The following KIAA1217 variants were observed in gnomAD, a reference collection of about 807,000 sequenced individuals.
The protein encoded by KIAA1217 is sickle tail protein homolog.
A neutral mutation model predicts 163.9 loss-of-function variants in KIAA1217; 88 were observed. The ratio of observed to expected loss-of-function variants is 0.54; its 90% confidence interval spans 0.45 to 0.64. KIAA1217 has a LOEUF of 0.64. KIAA1217 is among the 30% of genes least tolerant of loss of function. The pLI is 0.00. For missense variants in KIAA1217, 2,372 were observed against 2,475.0 expected (o/e 0.96, Z 0.88); for synonymous variants, 903 against 923.1 (o/e 0.98, Z 0.39).
intron 1 of KIAA1217, among the ~76,000 whole-genome samples, chr10:23,907,337 GGA>G (rs1172364215): frequency 6.7e-6 from 1 of 149,554 alleles, no homozygotes; most frequent in Non-Finnish European, 1.5e-5. Context: ...AGAGAGAGAT[GGA>G]GAGAGAGAGA....
At chr10:24,099,557 G>A (rs1052353698) in intron 2 of KIAA1217, among the ~76,000 whole-genome samples, 4 of 143,946 alleles carry the variant, frequency 2.8e-5, no homozygotes, top group African/African-American at 5.2e-5. Context: ...GTGTATATGT[G>A]CCACATTTTC....
chr10:24,105,347 C>T (rs1037451796), intron 2 of KIAA1217, among the ~76,000 whole-genome samples: 10 of 152,132 alleles, frequency 6.6e-5, no homozygotes, highest in East Asian at 1.9e-4. Context: ...TTCAGCCAGA[C>T]GGAGTAGGTG....
chr10:23,926,367 A>T (rs1323539630), intron 1 of KIAA1217, among the ~76,000 whole-genome samples: 2 of 152,224 alleles, frequency 1.3e-5, no homozygotes, highest in African/African-American at 2.4e-5. Context: ...TATGAAAATG[A>T]TGACCATGCT....
At chr10:24,213,608 T>TA (rs1236877008) in intron 1 of KIAA1217, among the ~76,000 whole-genome samples, 4 of 152,170 alleles carry the variant, frequency 2.6e-5, no homozygotes, top group Non-Finnish European at 5.9e-5. Flanking sequence ...ATGAGGGCAT[T>TA]AAGTCTGACT....
chr10:24,198,135 T>A (rs1412227402), intron 2 of KIAA1217, among the ~76,000 whole-genome samples: 9 of 152,206 alleles, frequency 5.9e-5, no homozygotes, highest in Non-Finnish European at 1.2e-4. Context: ...ATTCAAAACA[T>A]GTTATGAGTC....
chr10:24,068,448 T>G (rs1235123279), intron 2 of KIAA1217, among the ~76,000 whole-genome samples: 2 of 152,242 alleles, frequency 1.3e-5, no homozygotes, highest in Admixed American at 6.5e-5. Flanking sequence ...AGATAATTCA[T>G]ATATCTCTGT....
chr10:24,066,804 C>T (rs7085564), intron 2 of KIAA1217, among the ~76,000 whole-genome samples: 34,268 of 152,122 alleles, frequency 0.23, 7,351 homozygotes, highest in African/African-American at 0.57. Flanking sequence ...TTTCGTCTTT[C>T]CACATAGTCC....
intron 9 of KIAA1217, among the ~76,000 whole-genome samples, chr10:24,503,161 C>G (rs2067893350): frequency 6.6e-6 from 1 of 152,152 alleles, no homozygotes; most frequent in Non-Finnish European, 1.5e-5. Flanking sequence ...ACAATTTCCC[C>G]TTGCCCTCTG....
chr10:24,454,225 G>T (rs1001454850), intron 5 of KIAA1217, among the ~76,000 whole-genome samples: 7 of 152,134 alleles, frequency 4.6e-5, no homozygotes, highest in East Asian at 1.9e-4. Flanking sequence ...TTTATTTAAG[G>T]TCTCTCCAGA....
chr10:23,992,762 C>T (rs928332846), intron 1 of KIAA1217, among the ~76,000 whole-genome samples: 5 of 151,556 alleles, frequency 3.3e-5, no homozygotes, highest in Admixed American at 6.6e-5. Flanking sequence ...TACAAATGCA[C>T]GAGGAGAGTT....
chr10:24,137,874 A>C (rs2063895009), intron 2 of KIAA1217, among the ~76,000 whole-genome samples: 1 of 152,222 alleles, frequency 6.6e-6, no homozygotes, highest in Non-Finnish European at 1.5e-5. Context: ...TTAGGTGGAC[A>C]TGTGAGTTCA....
chr10:24,234,675 A>G (rs1156656677), intron 2 of KIAA1217, among the ~76,000 whole-genome samples: 20 of 151,648 alleles, frequency 1.3e-4, no homozygotes, highest in African/African-American at 4.6e-4. Context: ...AAAAAAAAAA[A>G]AAAAGAAACT....
intron 1 of KIAA1217, among the ~76,000 whole-genome samples, chr10:23,952,717 T>C (rs1032900426): frequency 2.6e-5 from 4 of 152,230 alleles, no homozygotes; most frequent in South Asian, 2.1e-4. Context: ...TTTTGTGTTG[T>C]TACAAGGAAC....
chr10:23,738,376 G>A (rs756898855), intron 1 of KIAA1217, among the ~76,000 whole-genome samples: 16 of 152,094 alleles, frequency 1.1e-4, no homozygotes, highest in African/African-American at 3.1e-4. Context: ...GTTTTCTTTC[G>A]AAGGTTTGGC....
At chr10:23,954,207 A>C (rs1428623727) in intron 1 of KIAA1217, among the ~76,000 whole-genome samples, 1 of 152,180 alleles carries the variant, frequency 6.6e-6, no homozygotes, top group Non-Finnish European at 1.5e-5. Context: ...GGAAAGATTA[A>C]AGCAGATGCA....
At chr10:24,446,049 C>T (rs1279990335) in intron 5 of KIAA1217, among the ~76,000 whole-genome samples, 2 of 152,160 alleles carry the variant, frequency 1.3e-5, no homozygotes, top group Non-Finnish European at 2.9e-5. Flanking sequence ...CCTGTTGTTT[C>T]CTGACTTTTT....
intron 2 of KIAA1217, among the ~76,000 whole-genome samples, chr10:24,226,554 A>G (rs943893390): frequency 1.3e-5 from 2 of 152,046 alleles, no homozygotes; most frequent in African/African-American, 2.4e-5. Flanking sequence ...AGGTGGGAGA[A>G]TTGCTTGAAC....
intron 1 of KIAA1217, among the ~76,000 whole-genome samples, chr10:23,926,597 C>T (rs553528132): frequency 5.5e-4 from 84 of 151,996 alleles, no homozygotes; most frequent in Non-Finnish European, 7.8e-4. Context: ...TGGTGGCAGG[C>T]GCCTGTAATC....
chr10:24,290,210 G>T (rs2078957653), intron 2 of KIAA1217, among the ~76,000 whole-genome samples: 1 of 152,112 alleles, frequency 6.6e-6, no homozygotes. Flanking sequence ...GGAGGGAAGA[G>T]AGAGTGGAAG....
Sources: gnomAD v4.1 joint callset for allele counts (sites outside exome capture counted in the v4.1 genomes callset) on GRCh38, gnomAD v4.1.1 for gene constraint, MANE v1.5 for transcripts, NCBI Gene and HGNC (gene_info 2026-07-23, HGNC 2026-07-21) for gene names.